REDIC1: variants seen among roughly 807,000 people sequenced by gnomAD.
REDIC1 encodes HEI10 Interacting Protein 1.
At chr12:39,749,353 T>A in the REDIC1 span, among the ~76,000 whole-genome samples, 1 of 152,016 alleles carries the variant, frequency 6.6e-6, no homozygotes, top group African/African-American at 2.4e-5. Flanking sequence ...ACATACACCC[T>A]CCCAAGACTA....
chr12:39,712,610 T>C, the REDIC1 span, among the ~76,000 whole-genome samples: 2 of 145,254 alleles, frequency 1.4e-5, no homozygotes, highest in South Asian at 2.1e-4. Context: ...TATATATGTA[T>C]ATATAGATAT....
chr12:39,740,421 G>A, the REDIC1 span, among the ~76,000 whole-genome samples: 1 of 152,090 alleles, frequency 6.6e-6, no homozygotes, highest in African/African-American at 2.4e-5. Flanking sequence ...TTAGGCATAG[G>A]CTATATTTCT....
the REDIC1 span, among the ~76,000 whole-genome samples, chr12:39,629,089 T>C: frequency 4.6e-5 from 7 of 152,132 alleles, no homozygotes; most frequent in Non-Finnish European, 7.4e-5. Context: ...CACTAAGCCT[T>C]GAAGGACAGA....
At chr12:39,682,048 T>G in the REDIC1 span, among the ~76,000 whole-genome samples, 2 of 152,176 alleles carry the variant, frequency 1.3e-5, no homozygotes, top group Non-Finnish European at 2.9e-5. Flanking sequence ...CTAACTCATC[T>G]AATTAGTTTT....
At chr12:39,846,345 A>G in the REDIC1 span, among the ~76,000 whole-genome samples, 4 of 152,186 alleles carry the variant, frequency 2.6e-5, no homozygotes, top group Admixed American at 1.3e-4. Context: ...GTAAATTTCA[A>G]AATGAAGAGG....
chr12:39,821,404 C>T, the REDIC1 span, among the ~76,000 whole-genome samples: 1 of 151,254 alleles, frequency 6.6e-6, no homozygotes, highest in Non-Finnish European at 1.5e-5. Context: ...AGCAAGACTC[C>T]GTCTCAAAAA....
chr12:39,834,401 C>A, the REDIC1 span, among the ~76,000 whole-genome samples: 1 of 152,028 alleles, frequency 6.6e-6, no homozygotes, highest in Non-Finnish European at 1.5e-5. Flanking sequence ...AAGTCATGGA[C>A]CAAACTTTTA....
the REDIC1 span, among the ~76,000 whole-genome samples, chr12:39,639,880 T>A: frequency 5.9e-5 from 9 of 151,912 alleles, no homozygotes; most frequent in African/African-American, 2.2e-4. Flanking sequence ...GAGACCATAG[T>A]GTTATGCATG....
chr12:39,858,226 G>A, the REDIC1 span, among the ~76,000 whole-genome samples: 1 of 152,108 alleles, frequency 6.6e-6, no homozygotes, highest in Non-Finnish European at 1.5e-5. Flanking sequence ...TGGCAATAAG[G>A]TCACAGGATG....
the REDIC1 span, among the ~76,000 whole-genome samples, chr12:39,882,788 TTA>T: frequency 1.3e-5 from 2 of 152,224 alleles, no homozygotes; most frequent in African/African-American, 2.4e-5. Flanking sequence ...GCTGCTAGAA[TTA>T]TTACTCTTTC....
At chr12:39,895,545 T>G in the REDIC1 span, among the ~76,000 whole-genome samples, 1 of 80,600 alleles carries the variant, frequency 1.2e-5, no homozygotes, top group African/African-American at 4.4e-5. Context: ...TATATATATA[T>G]ATATATACAC....
the REDIC1 span, among the ~76,000 whole-genome samples, chr12:39,718,265 A>G: frequency 6.6e-6 from 1 of 152,064 alleles, no homozygotes; most frequent in African/African-American, 2.4e-5. Context: ...CCTAATCTAG[A>G]GGCTGAATTA....
chr12:39,681,335 G>T, the REDIC1 span, among the ~76,000 whole-genome samples: 1 of 152,234 alleles, frequency 6.6e-6, no homozygotes, highest in South Asian at 2.1e-4. Context: ...GTGGAGGAGG[G>T]ATGAGGGATA....
At chr12:39,812,835 CT>C in the REDIC1 span, among the ~76,000 whole-genome samples, 3,588 of 127,930 alleles carry the variant, frequency 0.028, 42 homozygotes, top group African/African-American at 0.034. Flanking sequence ...GTAGTATTAC[CT>C]TTTTTTTTTT....
At chr12:39,850,120 T>G in the REDIC1 span, among the ~76,000 whole-genome samples, 6 of 152,218 alleles carry the variant, frequency 3.9e-5, no homozygotes, top group African/African-American at 1.4e-4. Context: ...TCCAACCAAC[T>G]CCTTTCTCCT....
the REDIC1 span, among the ~76,000 whole-genome samples, chr12:39,796,712 T>G: frequency 2.0e-5 from 3 of 152,092 alleles, no homozygotes; most frequent in East Asian, 5.8e-4. Flanking sequence ...GAAATCAACT[T>G]TGTTTAGATG....
chr12:39,683,393 G>A, the REDIC1 span: 1 of 1,514,574 alleles, frequency 6.6e-7, no homozygotes, highest in Non-Finnish European at 9.1e-7. Context: ...TTTTAACTCG[G>A]TGCATACTTT....
At chr12:39,800,981 T>C in the REDIC1 span, among the ~76,000 whole-genome samples, 16 of 11,546 alleles carry the variant, frequency 1.4e-3, no homozygotes, top group African/African-American at 4.0e-3. Flanking sequence ...TCATTCTCAG[T>C]AAACTATCGC....
chr12:39,831,508 T>C, the REDIC1 span, among the ~76,000 whole-genome samples: 1 of 152,216 alleles, frequency 6.6e-6, no homozygotes, highest in South Asian at 2.1e-4. Context: ...AGAATATTTC[T>C]TAATGTTCAA....
Sources: gnomAD v4.1 joint callset for allele counts (sites outside exome capture counted in the v4.1 genomes callset) on GRCh38, gnomAD v4.1.1 for gene constraint, MANE v1.5 for transcripts, NCBI Gene and HGNC (gene_info 2026-07-23, HGNC 2026-07-21) for gene names.